Variants in ILDR2 observed in about 807,000 individuals in gnomAD.
The protein encoded by ILDR2 is immunoglobulin like domain containing receptor 2, also known as immunoglobulin-like domain-containing receptor 2.
A neutral mutation model predicts 66.8 loss-of-function variants in ILDR2; 25 were observed. That is an observed-to-expected ratio of 0.37 (90% CI 0.27 to 0.52). The LOEUF is 0.52. Ranked by LOEUF, ILDR2 falls within the 20% of genes least tolerant of loss-of-function variation. The probability of loss-of-function intolerance (pLI) is 0.88; values close to 1 mark genes in which losing one functional copy is unlikely to be tolerated. For missense variants in ILDR2, 827 were observed against 876.8 expected (o/e 0.94, Z 0.72); for synonymous variants, 367 against 357.2 (o/e 1.03, Z -0.31).
At chr1:166,902,686 T>C (rs958005358) in intron 2 of ILDR2, among the ~76,000 whole-genome samples, 1 of 152,268 alleles carries the variant, frequency 6.6e-6, no homozygotes, top group Non-Finnish European at 1.5e-5. Context: ...GCAACATATT[T>C]AAACTTTTGG....
intron 3 of ILDR2, among the ~76,000 whole-genome samples, chr1:166,948,779 A>G (rs972614706): frequency 2.6e-5 from 4 of 152,202 alleles, no homozygotes; most frequent in Admixed American, 2.6e-4. Context: ...GAGTCTCCAA[A>G]TGTAGAATTC....
chr1:166,906,381 G>C (rs940145296), downstream of ILDR2, among the ~76,000 whole-genome samples: 1 of 152,142 alleles, frequency 6.6e-6, no homozygotes, highest in East Asian at 1.9e-4. Context: ...GGTGGGAGTG[G>C]GGCTTCCTAA....
chr1:166,901,930 G>A (rs562866416), intron 2 of ILDR2, among the ~76,000 whole-genome samples: 3 of 152,272 alleles, frequency 2.0e-5, no homozygotes, highest in East Asian at 1.9e-4. Context: ...GCGTGATCTC[G>A]GCTCACTGCA....
intron 3 of ILDR2, among the ~76,000 whole-genome samples, chr1:166,944,823 A>G (rs1193233720): frequency 6.6e-6 from 1 of 152,118 alleles, no homozygotes; most frequent in Non-Finnish European, 1.5e-5. Context: ...GGACCACTGC[A>G]CATGCCTTCA....
At chr1:166,929,439 C>A (rs1660500280) in intron 6 of ILDR2, among the ~76,000 whole-genome samples, 1 of 152,176 alleles carries the variant, frequency 6.6e-6, no homozygotes, top group African/African-American at 2.4e-5. Context: ...GTCTAATCTT[C>A]TCAAAGATTC....
intron 3 of ILDR2, among the ~76,000 whole-genome samples, chr1:166,955,048 T>C (rs1440403283): frequency 6.6e-6 from 1 of 152,248 alleles, no homozygotes; most frequent in Non-Finnish European, 1.5e-5. Context: ...AACTTGGCTA[T>C]TAGGGTTGTG....
Position 166,909,781 on chromosome 1 carries a change from T to TATATATATA in ILDR2, c.*9573_*9574insTATATATAT, listed in dbSNP as rs1557921377. The TATATATATA allele has an allele frequency of 5.6e-4, 36 of 64,226 alleles. 1 individual carries two copies. Among genetic ancestry groups the TATATATATA allele is most frequent in the East Asian group, 1.0e-3 (2 of 1,994 alleles). The allele number at this position is 64,226 out of a possible 1,614,324, so 4.0% of individuals were successfully genotyped here. A position where few individuals can be genotyped will look rare whatever the true frequency, so the allele number is the denominator to read the frequency against. ...TATAAATATATATAAATATATATAT[T>TATATATATA]TATATATATATATATATATATATAT... On this transcript the variant is annotated 3_prime_UTR_variant, in exon 10 of 10. Coordinates refer to ENST00000271417, the MANE Select transcript of ILDR2 (RefSeq NM_199351.3).
intron 9 of ILDR2, 65 bp downstream of exon 9, chr1:166,920,642 T>C (rs2101849779): frequency 6.0e-6 from 8 of 1,335,866 alleles, no homozygotes; most frequent in East Asian, 3.1e-5. Flanking sequence ...ACAGCGACAC[T>C]GCTCGCCCTG....
chr1:166,968,302 T>A (rs1196981607), intron 1 of ILDR2, among the ~76,000 whole-genome samples: 3 of 152,110 alleles, frequency 2.0e-5, no homozygotes, highest in Non-Finnish European at 4.4e-5. Flanking sequence ...CCTTCCCCCA[T>A]CCCACTCTTC....
In ILDR2 at chr1:166,960,651, T is replaced by G. The variant is rs186631257; in HGVS notation, c.47-2550A>C. The stretch of plus-strand genomic sequence containing the variant: ...TTCCCCTCACCTCCCATCCTGAATC[T>G]TGATAACCATACATCACCACCAGGC... On this transcript the variant is annotated intron_variant, in intron 1 of 9. Transcript: ENST00000271417. Among the ~76,000 whole-genome samples, 409 of 152,244 alleles carry G rather than the reference T, an allele frequency of 2.7e-3. 3 individuals are homozygous for G. Among genetic ancestry groups the G allele is most frequent in the Non-Finnish European group, 3.9e-3 (263 of 68,006 alleles).
chr1:166,898,169 C>T (rs202223866), intron 2 of ILDR2, among the ~76,000 whole-genome samples: 1 of 152,036 alleles, frequency 6.6e-6, no homozygotes, highest in African/African-American at 2.4e-5. Context: ...TGGTATCATG[C>T]CTGTTGTTTT....
At chr1:166,902,056 C>A (rs1247747145) in intron 2 of ILDR2, among the ~76,000 whole-genome samples, 1 of 152,210 alleles carries the variant, frequency 6.6e-6, no homozygotes, top group Non-Finnish European at 1.5e-5. Flanking sequence ...TATGAGGTTT[C>A]TCCATGTTGG....
At position 166,957,757 on chromosome 1, in the gene ILDR2, G is replaced by A. The variant is rs747859272; in HGVS notation, c.379+12C>T. 1.8e-5 allele frequency: 28 copies of A among 1,588,754 alleles called. No individual in the cohort carries two copies. The Admixed American group carries it at 4.8e-4, about 27-fold the overall frequency. The stretch of plus-strand genomic sequence containing the variant: ...CTCCCATTTCCTAGATTCAAAATAG[G>A]GGCATTATTACCATGAACAATCGTG... On this transcript the variant is annotated intron_variant, in intron 2 of 9. Coordinates refer to ENST00000271417, the MANE Select transcript of ILDR2 (RefSeq NM_199351.3).
At chr1:166,938,974 G>A (rs1178043991) in intron 4 of ILDR2, among the ~76,000 whole-genome samples, 2 of 152,148 alleles carry the variant, frequency 1.3e-5, no homozygotes, top group African/African-American at 4.8e-5. Flanking sequence ...GGACCCATAG[G>A]GATTCGAAGG....
intron 1 of ILDR2, among the ~76,000 whole-genome samples, chr1:166,968,896 G>C (rs1229989478): frequency 6.6e-6 from 1 of 152,056 alleles, no homozygotes; most frequent in African/African-American, 2.4e-5. Flanking sequence ...CTGACTACAG[G>C]TCTCATATAA....
intron 1 of ILDR2, among the ~76,000 whole-genome samples, chr1:166,963,774 C>T (rs1557957294): frequency 1.3e-5 from 2 of 152,252 alleles, no homozygotes; most frequent in East Asian, 3.9e-4. Context: ...TATGTTATCC[C>T]CTCCTCCTGG....
chr1:166,945,707 T>C (rs544305904), intron 3 of ILDR2, among the ~76,000 whole-genome samples: 1 of 152,366 alleles, frequency 6.6e-6, no homozygotes, highest in South Asian at 2.1e-4. Context: ...AATCACTTGA[T>C]AACACATTGT....
chr1:166,936,880 A>G lies in ILDR2; in HGVS notation c.557-143T>C. 1.3e-6 allele frequency: 1 copy of G among 753,490 alleles called. No homozygotes were observed. Among genetic ancestry groups the G allele is most frequent in the Non-Finnish European group, 2.2e-6 (1 of 451,504 alleles). The allele number at this position is 753,490 out of a possible 1,614,324, so 46.7% of individuals were successfully genotyped here. A position where few individuals can be genotyped will look rare whatever the true frequency, so the allele number is the denominator to read the frequency against. On this transcript the variant is annotated intron_variant, in intron 4 of 9. Transcript: ENST00000271417. The surrounding 1 kb of genome is among the most constrained non-coding windows in gnomAD (Gnocchi z 5.0). ...TTCTCTTAACAGGAGACAGAGCCCCAACACTCAAGAGGAACTCTGAGAGTC... is the reference window on the plus strand; with the variant it reads ...TTCTCTTAACAGGAGACAGAGCCCCGACACTCAAGAGGAACTCTGAGAGTC...
intron 3 of ILDR2, among the ~76,000 whole-genome samples, chr1:166,944,990 A>C (rs1661530405): frequency 6.6e-6 from 1 of 152,158 alleles, no homozygotes; most frequent in African/African-American, 2.4e-5. Flanking sequence ...CAGGAACTTG[A>C]AGTGTTTCCA....
Sources: allele counts gnomAD v4.1 joint callset (sites outside exome capture counted in the v4.1 genomes callset), GRCh38; gene constraint gnomAD v4.1.1; non-coding constraint Gnocchi (gnomAD v3.1); transcripts MANE v1.5; gene names NCBI Gene and HGNC (gene_info 2026-07-23, HGNC 2026-07-21).